ZBED1: variants seen among roughly 807,000 people sequenced by gnomAD.
ZBED1 encodes the protein zinc finger BED-type containing 1.
ZBED1 carries 19 observed loss-of-function variants against 49.7 expected under a neutral mutation model. The ratio of observed to expected loss-of-function variants is 0.38; its 90% CI spans 0.27 to 0.56. The LOEUF (loss-of-function observed/expected upper bound fraction) is 0.56. ZBED1 is among the 20% of genes least tolerant of loss of function. ZBED1 has a pLI of 0.70. For missense variants in ZBED1, 806 were observed against 972.6 expected (o/e 0.83, Z 2.28); for synonymous variants, 439 against 440.3 (o/e 1.00, Z 0.04).
Position 2,489,730 on chromosome X carries a change from G to A in ZBED1, c.990C>T (p.Tyr330=). 6.2e-7 allele frequency: 1 copy of A among 1,613,164 alleles called. No homozygotes were observed. The highest frequency in any genetic ancestry group is 8.5e-7 in the Non-Finnish European group (1 of 1,179,860). ...GCTGCTTCTGCTTCTCATAGAGCAT[G>A]TACATGGCCACGGCAGACTGCTGGA... ...EYFQQSAVAM[Y]MLYEKQKQQN... is the part of the protein sequence containing the mutation. The change falls in exon 2 of 2, where the codon TAC becomes TAT. Residue 330 remains tyrosine, a synonymous_variant. Coordinates refer to ENST00000652001, the MANE Select transcript of ZBED1 (RefSeq NM_001171136.2).
intron 1 of ZBED1, among the ~76,000 whole-genome samples, chrX:2,496,828 A>C (rs2045296956): frequency 6.7e-6 from 1 of 149,596 alleles, no homozygotes; most frequent in Admixed American, 6.7e-5. Flanking sequence ...AATTATATAA[A>C]TATAACTTAT....
At chrX:2,492,983 C>T (rs906600907) in intron 1 of ZBED1, among the ~76,000 whole-genome samples, 3 of 152,366 alleles carry the variant, frequency 2.0e-5, no homozygotes, top group Admixed American at 6.5e-5. Context: ...GCTGGCTTTC[C>T]GTCAACGGTG....
Position 2,489,233 on chromosome X carries a change from C to T in ZBED1, c.1487G>A (p.Arg496His), listed in dbSNP as rs376735077. The change falls in exon 2 of 2, where the codon CGC (arginine) becomes CAC (histidine). Residue 496 changes from arginine to histidine, a missense_variant. Arg to His is a conservative substitution (Grantham distance 29, BLOSUM62 0). Around this residue, in one of 2 missense-constraint regions of ZBED1, gnomAD observed 749 missense variants for 861.3 expected, o/e 0.87. Transcript: ENST00000652001. ...SAFERQQVEN[R>H]VVEEAKGLLD... is the part of the protein sequence containing the mutation. ...CAGGCCCTTGGCCTCTTCCACCACG[C>T]GATTCTCCACCTGCTGCCGCTCGAA... The T allele has an allele frequency of 5.0e-6, 8 of 1,613,734 alleles. No individual in the cohort carries two copies. The highest frequency in any genetic ancestry group is 1.6e-4 in the Middle Eastern group (1 of 6,076).
At chrX:2,497,964 T>A (rs2045323162) in intron 1 of ZBED1, among the ~76,000 whole-genome samples, 1 of 152,196 alleles carries the variant, frequency 6.6e-6, no homozygotes, top group Admixed American at 6.5e-5. Context: ...ATGGGCCGCA[T>A]GGATATAGTC....
Position 2,488,933 on chromosome X carries a change from GC to G in ZBED1, c.1786del (p.Ala596ProfsTer16). Reference sequence around the variant, plus strand: ...CACCTTGGGCAGCAGGGGGAAGAGGGCCAGGCGGTCTGACCACCACTTGAGG... The same window carrying G: ...CACCTTGGGCAGCAGGGGGAAGAGGGCAGGCGGTCTGACCACCACTTGAGG... ...DPLKWWSDRL[A>X]LFPLLPKVLQ... On this transcript the variant is annotated frameshift_variant, in exon 2 of 2. Coordinates refer to ENST00000652001, the MANE Select transcript of ZBED1 (RefSeq NM_001171136.2). LOFTEE classifies it high-confidence loss of function. The G allele has an allele frequency of 6.3e-7, 1 of 1,599,526 alleles. No homozygotes were observed. Among genetic ancestry groups the G allele is most frequent in the South Asian group, 1.1e-5 (1 of 88,574 alleles).
At position 2,489,800 on chromosome X, in the gene ZBED1, T is replaced by C. The variant is rs916124272; in HGVS notation, c.920A>G (p.Lys307Arg). 1 of 1,613,456 alleles carries C rather than the reference T, an allele frequency of 6.2e-7. No homozygotes were observed. Among genetic ancestry groups the C allele is most frequent in the African/African-American group, 1.3e-5 (1 of 74,936 alleles). Residue 307 changes from lysine to arginine, a missense_variant, in exon 2 of 2, where the codon AAG (lysine) becomes AGG (arginine). Physicochemically the swap from Lys to Arg is conservative, Grantham distance 26 (BLOSUM62 2). This residue lies in a region of ZBED1 where 749 missense variants were observed against 861.3 expected (regional missense o/e 0.87). Coordinates refer to ENST00000652001, the MANE Select transcript of ZBED1 (RefSeq NM_001171136.2). Reference protein sequence around the residue: ...AGIQQAFQLPKLGALLSRCRK... With the variant: ...AGIQQAFQLPRLGALLSRCRK... ...GCAGCGCGACAGCAGCGCCCCCAGCTTCGGGAGCTGGAAGGCCTGCTGGAT... is the reference window on the plus strand; with the variant it reads ...GCAGCGCGACAGCAGCGCCCCCAGCCTCGGGAGCTGGAAGGCCTGCTGGAT...
At chrX:2,491,028 C>G (rs2045124824) in intron 1 of ZBED1, among the ~76,000 whole-genome samples, 1 of 150,534 alleles carries the variant, frequency 6.6e-6, no homozygotes, top group Non-Finnish European at 1.5e-5. Context: ...CGAGTGAGCA[C>G]GGCATTTTTG....
At chrX:2,498,625 G>GAAAAA (rs10624636) in intron 1 of ZBED1, among the ~76,000 whole-genome samples, 6 of 128,756 alleles carry the variant, frequency 4.7e-5, no homozygotes, top group East Asian at 4.6e-4. Context: ...CAGTAAATGG[G>GAAAAA]AAAAAAAAAA....
Position 2,490,446 on chromosome X carries a change from T to C in ZBED1, c.274A>G (p.Thr92Ala). 3 of 1,613,940 alleles carry C rather than the reference T, an allele frequency of 1.9e-6. No homozygotes were observed. Among genetic ancestry groups the C allele is most frequent in the Non-Finnish European group, 2.5e-6 (3 of 1,179,860 alleles). Residue 92 changes from threonine (T) to alanine (A), a missense_variant, in exon 2 of 2, where the codon ACC becomes GCC. Around this residue, in one of 2 missense-constraint regions of ZBED1, gnomAD observed 749 missense variants for 861.3 expected, o/e 0.87. Coordinates refer to ENST00000652001, the MANE Select transcript of ZBED1 (RefSeq NM_001171136.2). ...TCGGGCTTCAGCTTGGAGAAGGCGG[T>C]GGCGAAGGCTTCACGCATCTGCTCC... The part of the protein sequence containing the change: ...NTEQMREAFA[T>A]AFSKLKPESS...
intron 1 of ZBED1, among the ~76,000 whole-genome samples, chrX:2,495,292 ATTG>A (rs1332472422): frequency 1.3e-5 from 2 of 151,588 alleles, no homozygotes; most frequent in Admixed American, 6.6e-5. Context: ...CATTATTCCT[ATTG>A]TTGTTATTAT....
intron 1 of ZBED1, among the ~76,000 whole-genome samples, chrX:2,499,723 G>A (rs1203004828): frequency 3.9e-5 from 6 of 152,024 alleles, no homozygotes; most frequent in African/African-American, 1.2e-4. Context: ...CCTGGGCAAC[G>A]TAGCAAGACC....
In ZBED1 at chrX:2,488,983, C is replaced by A. The variant is rs1258926847; in HGVS notation, c.1737G>T (p.Lys579Asn). The A allele has an allele frequency of 1.2e-6, 2 of 1,603,968 alleles. No individual in the cohort carries two copies. Among genetic ancestry groups the A allele is most frequent in the South Asian group, 1.1e-5 (1 of 89,522 alleles). ...GGGGGTCTTCGTTGAGGCCAAGCAC[C>A]TTCTGGGACTTGAAGTTGCTCAGCT... ...VEELSNFKSQKVLGLNEDPLK... is the reference protein window; with the variant it reads ...VEELSNFKSQNVLGLNEDPLK... Residue 579 changes from lysine (K) to asparagine (N), a missense_variant, in exon 2 of 2, where the codon AAG becomes AAT. By Grantham distance (94) the Lys-to-Asn change is moderately conservative. Coordinates refer to ENST00000652001, the MANE Select transcript of ZBED1 (RefSeq NM_001171136.2).
intron 1 of ZBED1, among the ~76,000 whole-genome samples, chrX:2,495,653 C>CTTCCTCCTTCCTCCTTCCTCCTTCCTCT (rs2045264936): frequency 6.6e-6 from 1 of 152,174 alleles, no homozygotes; most frequent in African/African-American, 2.4e-5. Flanking sequence ...GAGTACCCTC[C>CTTCCTCCTTCCTCCTTCCTCCTTCCTCT]TTCCTCCTTC....
In ZBED1 at chrX:2,497,285, C is replaced by T. The variant is rs758203329; in HGVS notation, c.-54+3532G>A. 4.6e-5 allele frequency among the ~76,000 whole-genome samples: 7 copies of T among 151,938 alleles called. No homozygotes were observed. The South Asian group carries it at 1.0e-3, about 23-fold the overall frequency. ...GCACATGCCTGTAATCCCAGCTACT[C>T]GGGAGGCTGAGGCAGGAGAATCGCT... On this transcript the variant is annotated intron_variant, in intron 1 of 1. Coordinates refer to ENST00000652001, the MANE Select transcript of ZBED1 (RefSeq NM_001171136.2).
At chrX:2,500,085 T>C (rs2124150084) in intron 1 of ZBED1, among the ~76,000 whole-genome samples, 1 of 152,164 alleles carries the variant, frequency 6.6e-6, no homozygotes, top group East Asian at 1.9e-4. Context: ...GTTATCTGCA[T>C]ACACAAAACA....
rs763902284 is a variant in ZBED1, at chrX:2,490,760, G to A, written c.-41C>T. ...GCCTGCCTGCTGGACGGCTGCTCAT[G>A]CGTGGGGACCTGCTGAGAAGGGCCA... On this transcript the variant is annotated 5_prime_UTR_variant, in exon 2 of 2. Coordinates refer to ENST00000652001, the MANE Select transcript of ZBED1 (RefSeq NM_001171136.2). 31 of 1,588,610 alleles carry A rather than the reference G, an allele frequency of 2.0e-5. No homozygotes were observed.
At chrX:2,498,342 C>T (rs1248631532) in intron 1 of ZBED1, among the ~76,000 whole-genome samples, 1 of 152,178 alleles carries the variant, frequency 6.6e-6, no homozygotes, top group African/African-American at 2.4e-5. Flanking sequence ...TGTTTCCTCA[C>T]CAACAGCGAA....
At position 2,488,677 on chromosome X, in the gene ZBED1, G is replaced by A; in HGVS notation, c.2043C>T (p.Val681=). Residue 681 remains valine (V), a synonymous_variant, in exon 2 of 2, where the codon GTC becomes GTT. Transcript: ENST00000652001. ...CCCTAATGCCAAAGAAACCGCCGCT[G>A]ACGCCATCCCCCAAGGAGAACACCT... ...QEQVFSLGDG[V]SGGFFGIRDS... 6.2e-7 allele frequency: 1 copy of A among 1,612,338 alleles called. No homozygotes were observed. Among genetic ancestry groups the A allele is most frequent in the Non-Finnish European group, 8.5e-7 (1 of 1,179,348 alleles).
chrX:2,495,241 T>C (rs1413377351), intron 1 of ZBED1, among the ~76,000 whole-genome samples: 2 of 151,384 alleles, frequency 1.3e-5, no homozygotes, highest in African/African-American at 4.8e-5. Flanking sequence ...TGAAAGACGT[T>C]CCAGGACGTG....
Sources: allele counts gnomAD v4.1 joint callset (sites outside exome capture counted in the v4.1 genomes callset), GRCh38; gene constraint gnomAD v4.1.1; regional missense constraint gnomAD v4.1.1; transcripts MANE v1.5; gene names NCBI Gene and HGNC (gene_info 2026-07-23, HGNC 2026-07-21).